The following CSMD1 variants were observed in gnomAD, a reference collection of about 807,000 sequenced individuals.
The protein encoded by CSMD1 is CUB and Sushi multiple domains 1, also known as CUB and sushi domain-containing protein 1.
A neutral mutation model predicts 417.5 loss-of-function variants in CSMD1; 213 were observed. The ratio of observed to expected loss-of-function variants is 0.51; its 90% CI spans 0.46 to 0.57. CSMD1 has a LOEUF of 0.57. Among genes scored for constraint, CSMD1 ranks in the 20% least tolerant of loss-of-function variants. CSMD1 has a pLI of 0.00. For synonymous variants in CSMD1, 2,862 were observed against 1,736.8 expected (o/e 1.65, Z -16.11); for missense variants, 6,923 against 4,529.7 (o/e 1.53, Z -15.17).
At chr8:4,435,057 TGTGTAATATATCG>T (rs1157155152) in intron 2 of CSMD1, among the ~76,000 whole-genome samples, 1 of 152,124 alleles carries the variant, frequency 6.6e-6, no homozygotes. Context: ...ATATAGTTTG[TGTGTAATATATCG>T]GTGTAATAAA....
intron 5 of CSMD1, among the ~76,000 whole-genome samples, chr8:3,881,608 C>CAAAAAAAAAAAAAAA (rs370466578): frequency 9.8e-6 from 1 of 102,538 alleles, no homozygotes; most frequent in Non-Finnish European, 2.1e-5. Flanking sequence ...GACTCCATCT[C>CAAAAAAAAAAAAAAA]AAAAAAAAAA....
At chr8:4,281,337 C>A (rs975393181) in intron 3 of CSMD1, among the ~76,000 whole-genome samples, 2 of 152,166 alleles carry the variant, frequency 1.3e-5, no homozygotes, top group Non-Finnish European at 2.9e-5. Flanking sequence ...TGGTCCCAGG[C>A]CCACAGAGTA....
chr8:4,745,734 G>A lies in CSMD1; in HGVS notation c.86-108176C>T, dbSNP rs1476696110. Among the ~76,000 whole-genome samples, 4 of 152,188 alleles carry A rather than the reference G, an allele frequency of 2.6e-5. No individual in the cohort carries two copies. The East Asian group carries it at 7.7e-4, about 29-fold the overall frequency. Reference sequence around the variant, plus strand: ...CATTAACTTAGCATACTTTAATGGAGTAACACTCTCCAACATATTTAAATC... The same window carrying A: ...CATTAACTTAGCATACTTTAATGGAATAACACTCTCCAACATATTTAAATC... On this transcript the variant is annotated intron_variant, in intron 1 of 69. Transcript: ENST00000635120.
intron 3 of CSMD1, among the ~76,000 whole-genome samples, chr8:4,081,884 G>A (rs977385235): frequency 4.6e-5 from 7 of 152,128 alleles, no homozygotes; most frequent in African/African-American, 1.7e-4. Context: ...AAATGTGTTG[G>A]ATTTAGTTAC....
intron 4 of CSMD1, among the ~76,000 whole-genome samples, chr8:3,998,922 CTA>C (rs1815440018): frequency 1.3e-5 from 2 of 148,418 alleles, no homozygotes; most frequent in East Asian, 2.0e-4. Context: ...AAATAACAAA[CTA>C]TATAGTAGTT....
At chr8:3,300,717 G>A (rs77686936) in intron 25 of CSMD1, among the ~76,000 whole-genome samples, 5,653 of 152,114 alleles carry the variant, frequency 0.037, 221 homozygotes, top group Admixed American at 0.11. Context: ...AGTGCTTTGG[G>A]AGGACGAGGC....
At chr8:4,376,107 C>G (rs1469137387) in intron 3 of CSMD1, among the ~76,000 whole-genome samples, 1 of 152,218 alleles carries the variant, frequency 6.6e-6, no homozygotes, top group African/African-American at 2.4e-5. Flanking sequence ...AAGTAGGACT[C>G]AGCTTATCAA....
Position 3,366,891 on chromosome 8 carries a change from A to T in CSMD1, c.3115+141T>A, listed in dbSNP as rs941619531. 8.4e-6 allele frequency: 6 copies of T among 711,358 alleles called. No homozygotes were observed. In the African/African-American group the frequency reaches 1.1e-4, roughly 13 times the overall value. The allele number at this position is 711,358 out of a possible 1,614,324, so 44.1% of individuals were successfully genotyped here. ...GTGGAGGCTCAGCCTCCTGCACCCC[A>T]TTAGTTGGAATCAAGTCACGCATGT... is the stretch of plus-strand genomic sequence containing the variant. On this transcript the variant is annotated intron_variant, in intron 20 of 69. Coordinates refer to ENST00000635120, the MANE Select transcript of CSMD1 (RefSeq NM_033225.6).
In CSMD1 at chr8:3,732,895, C is replaced by CATCT. The variant is rs770201674; in HGVS notation, c.931+21031_931+21034dup. On this transcript the variant is annotated intron_variant, in intron 6 of 69. Coordinates refer to ENST00000635120, the MANE Select transcript of CSMD1 (RefSeq NM_033225.6). ...TCTATCTATCTATCCATCCATCTATCATCTATCTATCTATCATCTATCATA... is the reference window on the plus strand; with the variant it reads ...TCTATCTATCTATCCATCCATCTATCATCTATCTATCTATCTATCATCTATCATA... 8.5e-5 allele frequency among the ~76,000 whole-genome samples: 13 copies of CATCT among 152,140 alleles called. No homozygotes were observed. In the East Asian group the frequency reaches 1.4e-3, roughly 16 times the overall value.
At chr8:4,094,001 G>C (rs1041831887) in intron 3 of CSMD1, among the ~76,000 whole-genome samples, 2 of 151,834 alleles carry the variant, frequency 1.3e-5, no homozygotes, top group African/African-American at 2.4e-5. Flanking sequence ...TAGATAGATA[G>C]ATAGATAGAT....
chr8:4,275,907 A>T (rs1025431265), intron 3 of CSMD1, among the ~76,000 whole-genome samples: 15 of 152,330 alleles, frequency 9.8e-5, no homozygotes, highest in Admixed American at 3.3e-4. Flanking sequence ...GCACAAAAAC[A>T]GGATTGTTTA....
At chr8:3,226,207 T>G (rs1798492950) in intron 27 of CSMD1, among the ~76,000 whole-genome samples, 1 of 152,108 alleles carries the variant, frequency 6.6e-6, no homozygotes, top group Admixed American at 6.5e-5. Context: ...CTTTTCAGAG[T>G]GTTTTGCAAT....
At chr8:4,564,082 T>C (rs1195155396) in intron 2 of CSMD1, among the ~76,000 whole-genome samples, 2 of 152,202 alleles carry the variant, frequency 1.3e-5, no homozygotes, top group Admixed American at 6.5e-5. Context: ...GTCATAAGCA[T>C]ATTTAAATAA....
chr8:3,370,201 T>C (rs926080692), intron 18 of CSMD1, among the ~76,000 whole-genome samples: 8 of 152,200 alleles, frequency 5.3e-5, no homozygotes, highest in Non-Finnish European at 1.0e-4. Context: ...GAGGAGAATA[T>C]TGACACGTTC....
At chr8:4,326,580 A>C (rs553532694) in intron 3 of CSMD1, among the ~76,000 whole-genome samples, 1 of 152,348 alleles carries the variant, frequency 6.6e-6, no homozygotes, top group East Asian at 1.9e-4. Flanking sequence ...AGCAATTCCA[A>C]ACTTCTTTTT....
At chr8:4,701,819 A>G (rs937647467) in intron 1 of CSMD1, among the ~76,000 whole-genome samples, 1 of 152,188 alleles carries the variant, frequency 6.6e-6, no homozygotes, top group East Asian at 1.9e-4. Flanking sequence ...TCTCATATTT[A>G]CTCTGGATGA....
At chr8:3,753,048 T>C (rs754739609) in intron 6 of CSMD1, among the ~76,000 whole-genome samples, 1 of 152,200 alleles carries the variant, frequency 6.6e-6, no homozygotes, top group African/African-American at 2.4e-5. Context: ...CGTGACCTGC[T>C]AGTTCCTGCA....
chr8:4,719,671 T>C (rs1256036366), intron 1 of CSMD1, among the ~76,000 whole-genome samples: 3 of 152,212 alleles, frequency 2.0e-5, no homozygotes, highest in African/African-American at 7.2e-5. Context: ...TTATTTGTAC[T>C]TCCAGATGAA....
chr8:3,196,757 T>C (rs1358340036), intron 33 of CSMD1, among the ~76,000 whole-genome samples: 2 of 152,152 alleles, frequency 1.3e-5, no homozygotes. Flanking sequence ...AGGTCACTCA[T>C]CTCAGTCTCC....
Sources: gnomAD v4.1 joint callset for allele counts (sites outside exome capture counted in the v4.1 genomes callset) on GRCh38, gnomAD v4.1.1 for gene constraint, MANE v1.5 for transcripts, NCBI Gene and HGNC (gene_info 2026-07-23, HGNC 2026-07-21) for gene names.